Variants in ATRNL1 observed in about 807,000 individuals in gnomAD.
ATRNL1 encodes attractin-like protein 1.
ATRNL1 carries 95 observed loss-of-function variants against 182.7 expected under a neutral mutation model. The ratio of observed to expected loss-of-function variants is 0.52; its 90% CI spans 0.44 to 0.62. The LOEUF is 0.62. Among genes scored for constraint, ATRNL1 ranks in the 20% least tolerant of loss-of-function variants. ATRNL1 has a pLI of 0.00. For missense variants in ATRNL1, 1,471 were observed against 1,679.5 expected (o/e 0.88, Z 2.17); for synonymous variants, 576 against 568.3 (o/e 1.01, Z -0.19).
chr10:115,329,742 C>A (rs1464095092), intron 18 of ATRNL1, among the ~76,000 whole-genome samples: 1 of 152,094 alleles, frequency 6.6e-6, no homozygotes, highest in Non-Finnish European at 1.5e-5. Flanking sequence ...TTTTGCATCT[C>A]ATTACTTTAA....
intron 8 of ATRNL1, among the ~76,000 whole-genome samples, chr10:115,204,341 T>TG (rs782044725): frequency 4.6e-5 from 7 of 152,112 alleles, no homozygotes; most frequent in Non-Finnish European, 1.0e-4. Flanking sequence ...ATAGAAGTGG[T>TG]GGGAATGAGC....
chr10:115,664,778 A>C (rs1565264229), intron 26 of ATRNL1, among the ~76,000 whole-genome samples: 1 of 152,108 alleles, frequency 6.6e-6, no homozygotes, highest in Non-Finnish European at 1.5e-5. Context: ...TAGAATTAGA[A>C]TCCAAATCAT....
At chr10:115,234,992 T>C (rs1554901033) in intron 9 of ATRNL1, among the ~76,000 whole-genome samples, 1 of 152,184 alleles carries the variant, frequency 6.6e-6, no homozygotes, top group Non-Finnish European at 1.5e-5. Context: ...TGAGTTTGGG[T>C]ATCTTTTCCT....
chr10:115,277,893 A>T (rs1852175703), intron 13 of ATRNL1, among the ~76,000 whole-genome samples: 1 of 152,162 alleles, frequency 6.6e-6, no homozygotes, highest in Non-Finnish European at 1.5e-5. Flanking sequence ...AAACTTTTGC[A>T]GATTCTTTGA....
chr10:115,894,599 C>A (rs1952161008), intron 28 of ATRNL1, among the ~76,000 whole-genome samples: 1 of 152,132 alleles, frequency 6.6e-6, no homozygotes, highest in South Asian at 2.1e-4. Context: ...TTGTTGCATT[C>A]TTATAAAGAT....
intron 26 of ATRNL1, among the ~76,000 whole-genome samples, chr10:115,621,113 T>G (rs1857711881): frequency 6.6e-6 from 1 of 151,818 alleles, no homozygotes; most frequent in Non-Finnish European, 1.5e-5. Context: ...TCAGTTTTTA[T>G]TTTAATACAA....
chr10:115,855,773 G>T (rs929728499), intron 28 of ATRNL1, among the ~76,000 whole-genome samples: 8 of 152,046 alleles, frequency 5.3e-5, no homozygotes, highest in African/African-American at 1.4e-4. Flanking sequence ...ACTTTCAATG[G>T]ATTACATCTA....
At chr10:115,359,175 A>G (rs567244820) in intron 19 of ATRNL1, among the ~76,000 whole-genome samples, 83 of 151,630 alleles carry the variant, frequency 5.5e-4, no homozygotes, top group African/African-American at 2.0e-3. Flanking sequence ...TTAAGTCATA[A>G]TTTACTTGTC....
At chr10:115,253,394 C>T (rs1375965149) in intron 10 of ATRNL1, among the ~76,000 whole-genome samples, 3 of 152,110 alleles carry the variant, frequency 2.0e-5, no homozygotes, top group African/African-American at 4.8e-5. Context: ...GCCTGTGTTC[C>T]TCAGGCAGTT....
chr10:115,127,718 A>G lies in ATRNL1; in HGVS notation c.617A>G (p.Tyr206Cys). 3.5e-6 allele frequency: 5 copies of G among 1,416,758 alleles called. No homozygotes were observed. The highest frequency in any genetic ancestry group is 4.6e-6 in the Non-Finnish European group (5 of 1,077,316). 87.8% of individuals were successfully genotyped at this position (1,416,758 alleles called of 1,614,324 possible). A position where few individuals can be genotyped will look rare whatever the true frequency, so the allele number is the denominator to read the frequency against. The change falls in exon 4 of 29, where the codon TAT (tyrosine) becomes TGT (cysteine). Residue 206 changes from tyrosine to cysteine, a missense_variant. Tyr to Cys is a radical substitution (Grantham distance 194). Around this residue, in one of 3 missense-constraint regions of ATRNL1, gnomAD observed 1,031 missense variants for 1,156.0 expected, o/e 0.89. Transcript: ENST00000355044. ...AATCTAACTGGTTTCAACATTTTCT[A>G]TTCGTAAGTATTTTTTAAAAATTCC... is the stretch of plus-strand genomic sequence containing the variant. The part of the protein sequence containing the change: ...AYNLTGFNIF[Y>C]SINSCPNNCS...
At position 115,948,930 on chromosome 10, in the gene ATRNL1, T is replaced by C. The variant is rs542079435; in HGVS notation, c.*4151T>C. 75 of 152,342 alleles carry C rather than the reference T, an allele frequency of 4.9e-4. No individual in the cohort carries two copies. The highest frequency in any genetic ancestry group is 1.7e-3 in the African/African-American group (71 of 41,582). 9.4% of individuals were successfully genotyped at this position (152,342 alleles called of 1,614,324 possible). ...CCCGTTTTAGAAAGCCAACATTTTA[T>C]GTTATAATATGCTGTTAATCAGGAC... On this transcript the variant is annotated 3_prime_UTR_variant, in exon 29 of 29. Coordinates refer to ENST00000355044, the MANE Select transcript of ATRNL1 (RefSeq NM_207303.4).
At chr10:115,219,307 A>T (rs1475478111) in intron 9 of ATRNL1, among the ~76,000 whole-genome samples, 3 of 151,924 alleles carry the variant, frequency 2.0e-5, no homozygotes, top group Non-Finnish European at 4.4e-5. Flanking sequence ...GTGTGAACAG[A>T]TGTGAGTTGA....
At chr10:115,171,318 C>CTT (rs782618907) in intron 8 of ATRNL1, 26 bp downstream of exon 8, 5 of 1,511,074 alleles carry the variant, frequency 3.3e-6, no homozygotes, top group Middle Eastern at 3.5e-4. Context: ...ATTGTAATTT[C>CTT]TTTATTGATT....
chr10:115,283,372 C>G (rs1852461404), intron 14 of ATRNL1, among the ~76,000 whole-genome samples: 1 of 152,122 alleles, frequency 6.6e-6, no homozygotes, highest in Non-Finnish European at 1.5e-5. Context: ...AGAGATCACG[C>G]CATTGCACCC....
chr10:115,798,480 T>A (rs1357064142), intron 27 of ATRNL1, among the ~76,000 whole-genome samples: 3 of 152,182 alleles, frequency 2.0e-5, no homozygotes, highest in Non-Finnish European at 2.9e-5. Flanking sequence ...ACCCATTGTG[T>A]GGCTTTCATG....
At chr10:115,322,699 C>G (rs1554931883) in intron 18 of ATRNL1, among the ~76,000 whole-genome samples, 2 of 151,988 alleles carry the variant, frequency 1.3e-5, no homozygotes, top group African/African-American at 4.8e-5. Context: ...ATCTCATTCT[C>G]CTAATTTTTT....
intron 28 of ATRNL1, among the ~76,000 whole-genome samples, chr10:115,859,323 CA>C (rs1555102904): frequency 2.6e-5 from 4 of 152,098 alleles, no homozygotes; most frequent in African/African-American, 9.6e-5. Context: ...ATCTCTCAAG[CA>C]GGGAGCGAGA....
intron 25 of ATRNL1, among the ~76,000 whole-genome samples, chr10:115,547,585 A>G (rs1344681308): frequency 6.6e-6 from 1 of 152,176 alleles, no homozygotes; most frequent in Non-Finnish European, 1.5e-5. Flanking sequence ...GAAGAGCACA[A>G]TTGCATGAAG....
intron 19 of ATRNL1, among the ~76,000 whole-genome samples, chr10:115,363,834 T>C (rs1421225798): frequency 2.7e-5 from 4 of 145,960 alleles, no homozygotes; most frequent in Admixed American, 1.4e-4. Flanking sequence ...GTTGTAGATA[T>C]GCGGCGTTAT....
Sources: gnomAD v4.1 joint callset for allele counts (sites outside exome capture counted in the v4.1 genomes callset) on GRCh38, gnomAD v4.1.1 for gene constraint, gnomAD v4.1.1 regional missense constraint, MANE v1.5 for transcripts, NCBI Gene and HGNC (gene_info 2026-07-23, HGNC 2026-07-21) for gene names.